SORL1: variants seen among roughly 807,000 people sequenced by gnomAD.
SORL1 encodes the protein sortilin related receptor 1.
SORL1 carries 127 observed loss-of-function variants against 273.7 expected under a neutral mutation model. The observed-to-expected ratio is 0.46, with a 90% CI of 0.40 to 0.54. SORL1 has a LOEUF of 0.54. Among genes scored for constraint, SORL1 ranks in the 20% least tolerant of loss-of-function variants. SORL1 has a pLI of 0.00. For synonymous variants in SORL1, 1,031 were observed against 1,067.4 expected (o/e 0.97, Z 0.66); for missense variants, 2,494 against 2,846.1 (o/e 0.88, Z 2.81).
chr11:121,565,772 C>T (rs1289304043), intron 21 of SORL1, among the ~76,000 whole-genome samples: 2 of 152,158 alleles, frequency 1.3e-5, no homozygotes, highest in East Asian at 1.9e-4. Context: ...ATCCCCGGAA[C>T]GATGTAGGGG....
chr11:121,528,123 GAT>G (rs1862149422), intron 11 of SORL1, among the ~76,000 whole-genome samples: 1 of 152,050 alleles, frequency 6.6e-6, no homozygotes, highest in Non-Finnish European at 1.5e-5. Context: ...CACATATTTA[GAT>G]ATGTTTTTAG....
intron 1 of SORL1, among the ~76,000 whole-genome samples, chr11:121,455,105 A>G (rs539611116): frequency 6.6e-6 from 1 of 152,252 alleles, no homozygotes; most frequent in South Asian, 2.1e-4. Flanking sequence ...ATGGAGGTGC[A>G]GTGAGCTGGG....
In SORL1 at chr11:121,590,039, G is replaced by C. The variant is rs1863185532; in HGVS notation, c.4079-1G>C. ...ACTGATGATGTGGTTGATCTCTGCA[G>C]AAAACCCCACAGAAGCCCCAAACTG... is the stretch of plus-strand genomic sequence containing the variant. On this transcript the variant is annotated splice_acceptor_variant, in intron 29 of 47. Coordinates refer to ENST00000260197, the MANE Select transcript of SORL1 (RefSeq NM_003105.6). LOFTEE classifies it high-confidence loss of function. 6.2e-7 allele frequency: 1 copy of C among 1,613,846 alleles called. No individual in the cohort carries two copies. The highest frequency in any genetic ancestry group is 1.3e-5 in the African/African-American group (1 of 74,912).
At chr11:121,491,115 G>A (rs624310) in intron 5 of SORL1, among the ~76,000 whole-genome samples, 55,764 of 151,990 alleles carry the variant, frequency 0.37, 10,576 homozygotes, top group East Asian at 0.54. Flanking sequence ...ACAGGGATGC[G>A]CCAATGTGGT....
intron 25 of SORL1, 71 bp downstream of exon 25, chr11:121,577,471 G>T (rs1460407292): frequency 3.5e-6 from 5 of 1,417,794 alleles, no homozygotes. Flanking sequence ...AGCTTTAAAC[G>T]ATCGGAAAAT....
At chr11:121,602,307 T>C (rs1473244372) in intron 32 of SORL1, among the ~76,000 whole-genome samples, 5 of 152,228 alleles carry the variant, frequency 3.3e-5, no homozygotes, top group African/African-American at 1.2e-4. Context: ...TTCCCTTCTA[T>C]TGACAATTTT....
At chr11:121,487,300 A>T (rs1391836993) in intron 3 of SORL1, among the ~76,000 whole-genome samples, 1 of 152,156 alleles carries the variant, frequency 6.6e-6, no homozygotes, top group Non-Finnish European at 1.5e-5. Context: ...TGCAGCACAC[A>T]TGTGTTAGGT....
intron 11 of SORL1, among the ~76,000 whole-genome samples, chr11:121,527,849 A>G (rs1031084499): frequency 6.6e-6 from 1 of 151,628 alleles, no homozygotes; most frequent in East Asian, 1.9e-4. Context: ...TGATATGTGT[A>G]TTTTCTCTAT....
chr11:121,571,134 T>G (rs576376178), intron 23 of SORL1, among the ~76,000 whole-genome samples: 1 of 152,144 alleles, frequency 6.6e-6, no homozygotes, highest in South Asian at 2.1e-4. Context: ...TACAGTAGAG[T>G]GACGGGCACT....
At chr11:121,470,627 C>T (rs555133323) in intron 2 of SORL1, among the ~76,000 whole-genome samples, 2 of 152,186 alleles carry the variant, frequency 1.3e-5, no homozygotes, top group South Asian at 2.1e-4. Flanking sequence ...TGTGGGAGGC[C>T]GGGCAGGTAA....
At chr11:121,495,606 A>G (rs1209733202) in intron 5 of SORL1, among the ~76,000 whole-genome samples, 1 of 152,160 alleles carries the variant, frequency 6.6e-6, no homozygotes, top group African/African-American at 2.4e-5. Context: ...CTACAAGACT[A>G]TCTTCCCGAC....
chr11:121,603,559 G>C (rs1367246240), intron 32 of SORL1, among the ~76,000 whole-genome samples: 1 of 152,160 alleles, frequency 6.6e-6, no homozygotes, highest in Admixed American at 6.5e-5. Context: ...ACATACAGTT[G>C]CATAACCCTT....
At position 121,550,671 on chromosome 11, in the gene SORL1, G is replaced by A. The variant is rs1275095630; in HGVS notation, c.2266+1G>A. The A allele has an allele frequency of 1.2e-6, 2 of 1,611,720 alleles. No homozygotes were observed. The highest frequency in any genetic ancestry group is 2.2e-5 in the East Asian group (1 of 44,864). ...GAGCTGGTCCCCTGTCCCCTGGCAG[G>A]TAAGAGAGGTGGTTTCTTCCCTTTC... On this transcript the variant is annotated splice_donor_variant, in intron 16 of 47. Coordinates refer to ENST00000260197, the MANE Select transcript of SORL1 (RefSeq NM_003105.6). LOFTEE classifies it high-confidence loss of function. This position sits in a 1 kb window ranked among gnomAD's most constrained non-coding sequence, Gnocchi z 5.3.
intron 6 of SORL1, among the ~76,000 whole-genome samples, chr11:121,502,008 T>C (rs1861715886): frequency 6.6e-6 from 1 of 152,158 alleles, no homozygotes; most frequent in African/African-American, 2.4e-5. Context: ...TGTCTACTGT[T>C]TTACTGTTAC....
chr11:121,567,242 C>T, intron 22 of SORL1, 129 bp downstream of exon 22: 1 of 787,742 alleles, frequency 1.3e-6, no homozygotes, highest in Non-Finnish European at 2.0e-6. Context: ...AGGTAAAAAT[C>T]AAACCTACCA....
intron 32 of SORL1, among the ~76,000 whole-genome samples, chr11:121,597,340 T>C (rs1475457339): frequency 6.6e-6 from 1 of 152,194 alleles, no homozygotes; most frequent in African/African-American, 2.4e-5. Flanking sequence ...TTTTTGTTGA[T>C]CATGCACAGC....
chr11:121,626,382 G>T (rs567722637), intron 46 of SORL1: 1 of 151,804 alleles, frequency 6.6e-6, no homozygotes, highest in South Asian at 2.1e-4. Flanking sequence ...TGCTCCAGCC[G>T]CACACACCCC....
chr11:121,486,656 T>A (rs1861477094), intron 3 of SORL1, among the ~76,000 whole-genome samples: 1 of 151,966 alleles, frequency 6.6e-6, no homozygotes, highest in Admixed American at 6.6e-5. Context: ...ATTTTTCGTA[T>A]TTTTAGTAGA....
rs899888026 is a variant in SORL1, at chr11:121,633,729, G to T, written c.*4166G>T. 6.6e-6 allele frequency: 1 copy of T among 152,158 alleles called. No individual in the cohort carries two copies. Among genetic ancestry groups the T allele is most frequent in the African/African-American group, 2.4e-5 (1 of 41,432 alleles). The allele number at this position is 152,158 out of a possible 1,614,324, so 9.4% of individuals were successfully genotyped here. On this transcript the variant is annotated 3_prime_UTR_variant, in exon 48 of 48. Transcript: ENST00000260197. ...TGTGTCTCGAGCTGTTCTTTAGAGC[G>T]CAATAAAGATGGCTGACGCAGTCTC... is the stretch of plus-strand genomic sequence containing the variant.
Sources: allele counts gnomAD v4.1 joint callset (sites outside exome capture counted in the v4.1 genomes callset), GRCh38; gene constraint gnomAD v4.1.1; non-coding constraint Gnocchi (gnomAD v3.1); transcripts MANE v1.5; gene names NCBI Gene and HGNC (gene_info 2026-07-23, HGNC 2026-07-21).